The following ADCY5 variants were observed in gnomAD, a reference collection of about 807,000 sequenced individuals.
ADCY5 encodes the protein adenylate cyclase type 5.
Under a neutral mutation model 119.7 loss-of-function variants are expected in ADCY5, and 30 were observed. That is an observed-to-expected ratio of 0.25 (90% CI 0.19 to 0.34). ADCY5 has a LOEUF of 0.34. ADCY5 is among the 10% of genes least tolerant of loss of function. ADCY5 has a pLI of 1.00. For missense variants in ADCY5, 1,324 were observed against 1,775.2 expected (o/e 0.75, Z 4.57); for synonymous variants, 753 against 762.2 (o/e 0.99, Z 0.20).
At chr3:123,342,413 T>G (rs1287639593) in intron 3 of ADCY5, among the ~76,000 whole-genome samples, 1 of 152,010 alleles carries the variant, frequency 6.6e-6, no homozygotes, top group Non-Finnish European at 1.5e-5. Context: ...AGACAGGGGA[T>G]CTCTCCCCAA....
In ADCY5 at chr3:123,327,702, C is replaced by T. The variant is rs752205637; in HGVS notation, c.1863G>A (p.Glu621=). Residue 621 remains glutamate, a synonymous_variant, in exon 7 of 21, where the codon GAG becomes GAA. Coordinates refer to ENST00000462833, the MANE Select transcript of ADCY5 (RefSeq NM_183357.3). Reference sequence around the variant, plus strand: ...CGTTGCGCTCGCCCCCACAGCCTGGCTCCACCTCGTAGTCCCCATTCAGGT... The same window carrying T: ...CGTTGCGCTCGCCCCCACAGCCTGGTTCCACCTCGTAGTCCCCATTCAGGT... ...LNYLNGDYEV[E]PGCGGERNAY... 1 of 1,614,044 alleles carries T rather than the reference C, an allele frequency of 6.2e-7. No individual in the cohort carries two copies. Among genetic ancestry groups the T allele is most frequent in the African/African-American group, 1.3e-5 (1 of 75,028 alleles).
At position 123,352,672 on chromosome 3, in the gene ADCY5, A is replaced by C; in HGVS notation, c.1135-91T>G. The stretch of plus-strand genomic sequence containing the variant: ...CCTCAGCCCCTGTCTCAGCAAACTC[A>C]CACCTGGCGCTAGCAAACAAATGCT... On this transcript the variant is annotated intron_variant, in intron 1 of 20. Coordinates refer to ENST00000462833, the MANE Select transcript of ADCY5 (RefSeq NM_183357.3). This position sits in a 1 kb window ranked among gnomAD's most constrained non-coding sequence, Gnocchi z 4.8. 40 of 1,423,590 alleles carry C rather than the reference A, an allele frequency of 2.8e-5. No homozygotes were observed. Among genetic ancestry groups the C allele is most frequent in the Middle Eastern group, 1.8e-4 (1 of 5,460 alleles). The allele number at this position is 1,423,590 out of a possible 1,614,324, so 88.2% of individuals were successfully genotyped here. A position where few individuals can be genotyped will look rare whatever the true frequency, so the allele number is the denominator to read the frequency against.
At chr3:123,319,887 C>A in intron 9 of ADCY5, 69 bp from the exon 10 acceptor site, 1 of 1,575,346 alleles carries the variant, frequency 6.3e-7, no homozygotes, top group South Asian at 1.1e-5. Flanking sequence ...CTGGCTCTTC[C>A]GACCATCCCC....
chr3:123,326,423 A>G (rs749744141), intron 7 of ADCY5, among the ~76,000 whole-genome samples: 61 of 152,250 alleles, frequency 4.0e-4, no homozygotes, highest in Non-Finnish European at 6.8e-4. Flanking sequence ...TTCAGCTGAC[A>G]TTGCTGGTGG....
At chr3:123,332,053 C>T (rs1263305767) in intron 4 of ADCY5, among the ~76,000 whole-genome samples, 5 of 152,194 alleles carry the variant, frequency 3.3e-5, no homozygotes, top group South Asian at 4.1e-4. Context: ...TCACCACTCC[C>T]GGCCATGGAG....
intron 1 of ADCY5, among the ~76,000 whole-genome samples, chr3:123,407,134 A>C: frequency 6.6e-6 from 1 of 151,258 alleles, no homozygotes; most frequent in East Asian, 1.9e-4. Flanking sequence ...TTATCCTCCC[A>C]CTCTGACCTC....
At chr3:123,420,525 G>A (rs1945282441) in intron 1 of ADCY5, among the ~76,000 whole-genome samples, 1 of 152,150 alleles carries the variant, frequency 6.6e-6, no homozygotes. Context: ...TGTGCCCCAG[G>A]CCCTACAGAT....
At chr3:123,321,140 T>G (rs375289177) in intron 8 of ADCY5, among the ~76,000 whole-genome samples, 3 of 152,134 alleles carry the variant, frequency 2.0e-5, no homozygotes, top group African/African-American at 7.2e-5. Flanking sequence ...CTTACTCAGA[T>G]GGAAATCGGG....
intron 1 of ADCY5, among the ~76,000 whole-genome samples, chr3:123,379,475 G>A (rs1199277153): frequency 1.3e-5 from 2 of 152,286 alleles, no homozygotes. Context: ...TCTCTCCCTG[G>A]GGGAGGAAAG....
chr3:123,383,883 A>C (rs1241116646), intron 1 of ADCY5, among the ~76,000 whole-genome samples: 2 of 147,040 alleles, frequency 1.4e-5, no homozygotes, highest in Admixed American at 1.4e-4. Flanking sequence ...ACACACACAC[A>C]CTCTTCCTCA....
In ADCY5 at chr3:123,327,703, T is replaced by C; in HGVS notation, c.1862A>G (p.Glu621Gly). 6.2e-7 allele frequency: 1 copy of C among 1,613,966 alleles called. No homozygotes were observed. Among genetic ancestry groups the C allele is most frequent in the Non-Finnish European group, 8.5e-7 (1 of 1,179,960 alleles). ...GTTGCGCTCGCCCCCACAGCCTGGC[T>C]CCACCTCGTAGTCCCCATTCAGGTA... ...LNYLNGDYEV[E>G]PGCGGERNAY... The change falls in exon 7 of 21, where the codon GAG becomes GGG. Residue 621 changes from glutamate to glycine, a missense_variant. Coordinates refer to ENST00000462833, the MANE Select transcript of ADCY5 (RefSeq NM_183357.3).
intron 1 of ADCY5, among the ~76,000 whole-genome samples, chr3:123,431,437 T>A (rs1018069916): frequency 9.1e-5 from 4 of 44,154 alleles, no homozygotes; most frequent in African/African-American, 3.5e-4. Context: ...AGAGCAAGCC[T>A]CTCTCAAAAG....
chr3:123,343,487 T>C (rs998584047), intron 3 of ADCY5, among the ~76,000 whole-genome samples: 3 of 152,178 alleles, frequency 2.0e-5, no homozygotes, highest in Admixed American at 1.3e-4. Context: ...ACACAGGTGC[T>C]CATCTTGGTC....
At chr3:123,344,032 G>C (rs1942405810) in intron 3 of ADCY5, among the ~76,000 whole-genome samples, 1 of 152,178 alleles carries the variant, frequency 6.6e-6, no homozygotes, top group African/African-American at 2.4e-5. Flanking sequence ...TGCGCCCCGG[G>C]GTGGTGTGTG....
chr3:123,406,062 A>G (rs1169756587), intron 1 of ADCY5, among the ~76,000 whole-genome samples: 1 of 152,200 alleles, frequency 6.6e-6, no homozygotes, highest in African/African-American at 2.4e-5. Context: ...TGCACCTTTC[A>G]TATGCAAACC....
At position 123,349,461 on chromosome 3, in the gene ADCY5, C is replaced by T. The variant is rs116265159; in HGVS notation, c.1285-1558G>A. On this transcript the variant is annotated intron_variant, in intron 2 of 20. Coordinates refer to ENST00000462833, the MANE Select transcript of ADCY5 (RefSeq NM_183357.3). Reference sequence around the variant, plus strand: ...TCTCGCCTGGCTCTTGGATTCTGGTCGCGACACCCTGGACCGACAGCCTCC... The same window carrying T: ...TCTCGCCTGGCTCTTGGATTCTGGTTGCGACACCCTGGACCGACAGCCTCC... Among the ~76,000 whole-genome samples the T allele has an allele frequency of 3.6e-3, 543 of 152,246 alleles. 4 individuals carry two copies. Among genetic ancestry groups the T allele is most frequent in the Middle Eastern group, 0.01 (3 of 294 alleles).
chr3:123,398,711 T>A (rs1341341558), intron 1 of ADCY5, among the ~76,000 whole-genome samples: 1 of 152,174 alleles, frequency 6.6e-6, no homozygotes, highest in East Asian at 1.9e-4. Context: ...TGTCCCAATT[T>A]TCCTGTCCCT....
rs1944247064 is a variant in ADCY5, at chr3:123,386,952, C to T, written c.1135-34371G>A. Among the ~76,000 whole-genome samples, 2 of 152,196 alleles carry T rather than the reference C, an allele frequency of 1.3e-5. 1 individual carries two copies. The highest frequency in any genetic ancestry group is 2.9e-5 in the Non-Finnish European group (2 of 68,048). ...GACGACAGCCAGAGCCATGACCCAG[C>T]ACAGCTCATGCAAACACTAGGATCC... is the stretch of plus-strand genomic sequence containing the variant. On this transcript the variant is annotated intron_variant, in intron 1 of 20. Transcript: ENST00000462833.
Position 123,304,117 on chromosome 3 carries a change from C to A in ADCY5, c.2509G>T (p.Val837Phe), listed in dbSNP as rs552351519. 1.7e-5 allele frequency: 28 copies of A among 1,613,826 alleles called. No homozygotes were observed. The African/African-American group carries it at 3.2e-4, about 18-fold the overall frequency. ...IVRSKMNSTL[V>F]GVFTITLVFL... The stretch of plus-strand genomic sequence containing the variant: ...ACCAGGGTGATGGTGAACACCCCAA[C>A]CAGGGTGCTGTTCATCTTGGACCGC... Residue 837 changes from valine to phenylalanine, a missense_variant, in exon 13 of 21, where the codon GTT becomes TTT. This residue lies in a region of ADCY5 where 424 missense variants were observed against 546.8 expected (regional missense o/e 0.78). Transcript: ENST00000462833.
Sources: gnomAD v4.1 joint callset for allele counts (sites outside exome capture counted in the v4.1 genomes callset) on GRCh38, gnomAD v4.1.1 for gene constraint, gnomAD v4.1.1 regional missense constraint, Gnocchi (gnomAD v3.1) non-coding constraint, MANE v1.5 for transcripts, NCBI Gene and HGNC (gene_info 2026-07-23, HGNC 2026-07-21) for gene names.